Variants in TINAG observed in about 807,000 individuals in gnomAD.
The protein encoded by TINAG is tubulointerstitial nephritis antigen.
Under a neutral mutation model 72.7 loss-of-function variants are expected in TINAG, and 83 were observed. The ratio of observed to expected loss-of-function variants is 1.14; its 90% CI spans 0.96 to 1.37. The LOEUF is 1.37. Ranked by LOEUF, TINAG falls within the 40% of genes most tolerant of loss-of-function variation. The pLI is 0.00. For missense variants in TINAG, 685 were observed against 576.6 expected (o/e 1.19, Z -1.93); for synonymous variants, 234 against 189.9 (o/e 1.23, Z -1.91).
At chr6:54,356,355 T>C (rs1763041449) in intron 9 of TINAG, among the ~76,000 whole-genome samples, 1 of 151,664 alleles carries the variant, frequency 6.6e-6, no homozygotes, top group African/African-American at 2.4e-5. Context: ...GCCAACATGG[T>C]GAAACCCTCT....
At position 54,320,703 on chromosome 6, in the gene TINAG, A is replaced by G. The variant is rs142054660; in HGVS notation, c.419+61A>G. The G allele has an allele frequency of 2.8e-4, 389 of 1,381,486 alleles. No individual in the cohort carries two copies. The African/African-American group carries it at 3.4e-3, about 12-fold the overall frequency. The allele number at this position is 1,381,486 out of a possible 1,614,324, so 85.6% of individuals were successfully genotyped here. ...TGTGTGTGTATGTTTTCTTCAAATA[A>G]AAGAAATATTTGTGAACCAAAGTAT... is the stretch of plus-strand genomic sequence containing the variant. On this transcript the variant is annotated intron_variant, in intron 2 of 10. Transcript: ENST00000259782.
At chr6:54,326,776 A>G (rs746820994) in intron 3 of TINAG, 26 bp from the exon 4 acceptor site, 38 of 1,531,476 alleles carry the variant, frequency 2.5e-5, no homozygotes, top group Non-Finnish European at 3.2e-5. Context: ...ATATTTTTCT[A>G]TATTTTTCTC....
At chr6:54,363,209 G>A (rs1234712184) in intron 9 of TINAG, among the ~76,000 whole-genome samples, 1 of 151,582 alleles carries the variant, frequency 6.6e-6, no homozygotes, top group Non-Finnish European at 1.5e-5. Flanking sequence ...ACAGATTTTT[G>A]TCGAGGATGT....
intron 9 of TINAG, 137 bp downstream of exon 9, chr6:54,354,773 A>T: frequency 1.0e-6 from 1 of 993,656 alleles, no homozygotes. Flanking sequence ...AAACCTTGCC[A>T]CTATTTAGTC....
upstream of TINAG, among the ~76,000 whole-genome samples, chr6:54,308,251 A>G (rs1158710814): frequency 6.6e-6 from 1 of 152,188 alleles, no homozygotes; most frequent in African/African-American, 2.4e-5. Flanking sequence ...ATGTATCTCT[A>G]TGCATAAGAT....
At chr6:54,343,095 G>A (rs1051967653) in intron 4 of TINAG, 131 bp from the exon 5 acceptor site, 1 of 755,742 alleles carries the variant, frequency 1.3e-6, no homozygotes, top group Non-Finnish European at 1.8e-6. Context: ...CCACATAGCT[G>A]TAGTTCATCT....
intron 6 of TINAG, among the ~76,000 whole-genome samples, chr6:54,349,036 G>A (rs530047495): frequency 4.6e-5 from 7 of 151,838 alleles, no homozygotes; most frequent in East Asian, 1.9e-4. Flanking sequence ...AATTGGTGCC[G>A]AATAATTTCT....
intron 9 of TINAG, among the ~76,000 whole-genome samples, chr6:54,360,580 C>G (rs1467160344): frequency 6.6e-6 from 1 of 151,590 alleles, no homozygotes; most frequent in Non-Finnish European, 1.5e-5. Flanking sequence ...AAGGTCTAAG[C>G]TTTATTTAAT....
At chr6:54,329,846 T>G (rs1784695093) in intron 4 of TINAG, among the ~76,000 whole-genome samples, 1 of 151,818 alleles carries the variant, frequency 6.6e-6, no homozygotes, top group Non-Finnish European at 1.5e-5. Context: ...AAGCAGAATT[T>G]AAACAAAGAA....
chr6:54,386,573 T>C (rs1201355695), intron 10 of TINAG, among the ~76,000 whole-genome samples: 1 of 152,140 alleles, frequency 6.6e-6, no homozygotes, highest in Non-Finnish European at 1.5e-5. Context: ...TTACAGATCC[T>C]CTCTCAACAG....
At chr6:54,318,130 A>T (rs549686811) in intron 1 of TINAG, among the ~76,000 whole-genome samples, 1 of 152,010 alleles carries the variant, frequency 6.6e-6, no homozygotes, top group Non-Finnish European at 1.5e-5. Context: ...TCTCTTACCT[A>T]TATACACTCT....
intron 9 of TINAG, among the ~76,000 whole-genome samples, chr6:54,368,003 C>T (rs1763485558): frequency 1.3e-5 from 2 of 151,596 alleles, no homozygotes; most frequent in Admixed American, 1.3e-4. Context: ...CTCCCAAAGA[C>T]CCCACCTCCT....
chr6:54,368,068 A>G (rs1763488605), intron 9 of TINAG, among the ~76,000 whole-genome samples: 1 of 151,662 alleles, frequency 6.6e-6, no homozygotes, highest in South Asian at 2.1e-4. Flanking sequence ...GGGGGACACA[A>G]ACTTTGAGTC....
chr6:54,372,751 TATATATATATA>T (rs1174543342), intron 9 of TINAG, among the ~76,000 whole-genome samples: 1,820 of 24,146 alleles, frequency 0.075, 54 homozygotes, highest in African/African-American at 0.19. Context: ...TATATATATA[TATATATATATA>T]TATATATATA....
rs373924684 is a variant in TINAG at position 54,321,280 on chromosome 6, T to G, written c.420-17T>G. The G allele has an allele frequency of 6.2e-7, 1 of 1,607,688 alleles. No individual in the cohort carries two copies. Among genetic ancestry groups the G allele is most frequent in the East Asian group, 2.2e-5 (1 of 44,802 alleles). ...CATAAAGACCAAGCCACTTTTGTAA[T>G]TGTCATATCTTTGCAGCACATGCTC... On this transcript the variant is annotated splice_polypyrimidine_tract_variant and intron_variant, in intron 2 of 10. Coordinates refer to ENST00000259782, the MANE Select transcript of TINAG (RefSeq NM_014464.4).
chr6:54,329,557 T>C (rs892336719), intron 4 of TINAG, among the ~76,000 whole-genome samples: 1 of 152,016 alleles, frequency 6.6e-6, no homozygotes, highest in African/African-American at 2.4e-5. Context: ...ATGAAGAAAC[T>C]GCATCAACTA....
chr6:54,343,408 A>C, intron 5 of TINAG, 59 bp downstream of exon 5: 1 of 1,348,398 alleles, frequency 7.4e-7, no homozygotes, highest in Non-Finnish European at 9.7e-7. Flanking sequence ...CTAGAGACTG[A>C]GAGAATAATT....
chr6:54,324,419 G>C (rs1460475367), intron 3 of TINAG, among the ~76,000 whole-genome samples: 1 of 152,090 alleles, frequency 6.6e-6, no homozygotes, highest in African/African-American at 2.4e-5. Context: ...GGGCATACGT[G>C]GAAGTTGCCC....
chr6:54,349,198 ATTGT>A (rs1400805352), intron 6 of TINAG, among the ~76,000 whole-genome samples: 2 of 151,844 alleles, frequency 1.3e-5, no homozygotes, highest in East Asian at 1.9e-4. Flanking sequence ...CAGATATATG[ATTGT>A]TTGTATTATG....
Sources: allele counts gnomAD v4.1 joint callset (sites outside exome capture counted in the v4.1 genomes callset), GRCh38; gene constraint gnomAD v4.1.1; transcripts MANE v1.5; gene names NCBI Gene and HGNC (gene_info 2026-07-23, HGNC 2026-07-21).